The following METTL25 variants were observed in gnomAD, a reference collection of about 807,000 sequenced individuals.
The protein encoded by METTL25 is methyltransferase like 25.
A neutral mutation model predicts 71.6 loss-of-function variants in METTL25; 64 were observed. That is an observed-to-expected ratio of 0.89 (90% CI 0.73 to 1.10). The LOEUF is 1.10. Among genes scored for constraint, METTL25 ranks in the 50% least tolerant of loss-of-function variants. The pLI is 0.00. For synonymous variants in METTL25, 287 were observed against 250.3 expected (o/e 1.15, Z -1.38); for missense variants, 807 against 707.0 (o/e 1.14, Z -1.60).
chr12:82,407,985 T>C, intron 5 of METTL25: 6 of 984,462 alleles, frequency 6.1e-6, no homozygotes, highest in Non-Finnish European at 7.2e-6. Flanking sequence ...TATAACAGTA[T>C]TTCTCAATTC....
chr12:82,420,976 C>G (rs967904400), intron 5 of METTL25, among the ~76,000 whole-genome samples: 4 of 152,102 alleles, frequency 2.6e-5, no homozygotes, highest in Admixed American at 2.0e-4. Flanking sequence ...ATTCTCCTGC[C>G]TCAGCCTCCG....
At chr12:82,366,459 T>C (rs2136823102) in intron 1 of METTL25, among the ~76,000 whole-genome samples, 1 of 152,360 alleles carries the variant, frequency 6.6e-6, no homozygotes, top group African/African-American at 2.4e-5. Context: ...AGTAAATGTT[T>C]ATAGAATCAG....
intron 5 of METTL25, among the ~76,000 whole-genome samples, chr12:82,428,609 G>A (rs1315088787): frequency 6.6e-6 from 1 of 151,842 alleles, no homozygotes; most frequent in Non-Finnish European, 1.5e-5. Context: ...AGGGCTCTAT[G>A]AGTCCTATGC....
At position 82,411,206 on chromosome 12, in the gene METTL25, G is replaced by A. The variant is rs564163448; in HGVS notation, c.1279+8076G>A. On this transcript the variant is annotated intron_variant, in intron 5 of 11. Coordinates refer to ENST00000248306, the MANE Select transcript of METTL25 (RefSeq NM_032230.3). The stretch of plus-strand genomic sequence containing the variant: ...TATTTGTGTACCATGGCAAACTTGA[G>A]CTTTAATAATTTCATAATTAGAAAC... Among the ~76,000 whole-genome samples, 19 of 152,060 alleles carry A rather than the reference G, an allele frequency of 1.2e-4. No homozygotes were observed. In the East Asian group the frequency reaches 3.1e-3, roughly 25 times the overall value.
chr12:82,477,950 G>A (rs1174845312), intron 11 of METTL25, among the ~76,000 whole-genome samples: 2 of 151,630 alleles, frequency 1.3e-5, no homozygotes, highest in Non-Finnish European at 3.0e-5. Context: ...GAATGTTTCC[G>A]CTATAAACTC....
At chr12:82,392,263 A>G (rs1270896758) in intron 3 of METTL25, among the ~76,000 whole-genome samples, 2 of 75,130 alleles carry the variant, frequency 2.7e-5, no homozygotes, top group East Asian at 8.4e-4. Flanking sequence ...CCCTCCCCGC[A>G]ACCCACAACA....
At chr12:82,367,205 A>G (rs1882666189) in intron 1 of METTL25, among the ~76,000 whole-genome samples, 1 of 152,064 alleles carries the variant, frequency 6.6e-6, no homozygotes, top group Admixed American at 6.6e-5. Context: ...TTCTACTTAT[A>G]TTATACTGTT....
chr12:82,393,751 T>A (rs1348794491), intron 3 of METTL25, among the ~76,000 whole-genome samples: 2 of 152,094 alleles, frequency 1.3e-5, no homozygotes, highest in African/African-American at 2.4e-5. Context: ...ATGCTAGATG[T>A]GGGTTTCTTT....
intron 5 of METTL25, among the ~76,000 whole-genome samples, chr12:82,420,951 T>G (rs1888427615): frequency 6.6e-6 from 1 of 152,010 alleles, no homozygotes; most frequent in South Asian, 2.1e-4. Context: ...CACCTCTGCC[T>G]CCTAGGTTCA....
intron 4 of METTL25, among the ~76,000 whole-genome samples, chr12:82,401,903 A>G (rs1438396740): frequency 6.6e-6 from 1 of 152,076 alleles, no homozygotes; most frequent in Non-Finnish European, 1.5e-5. Context: ...TCCAAATGGT[A>G]AAAGTATGTG....
intron 5 of METTL25, among the ~76,000 whole-genome samples, chr12:82,424,422 A>C (rs1380986541): frequency 1.3e-5 from 2 of 152,244 alleles, no homozygotes; most frequent in East Asian, 3.9e-4. Flanking sequence ...GCATTAGGAG[A>C]TATACCTAAT....
chr12:82,364,417 A>G (rs753610235), intron 1 of METTL25, among the ~76,000 whole-genome samples: 3 of 152,180 alleles, frequency 2.0e-5, no homozygotes, highest in African/African-American at 4.8e-5. Flanking sequence ...TTGTGTTTAC[A>G]TGACGTTCTT....
Position 82,399,148 on chromosome 12 carries a change from C to T in METTL25, c.885C>T (p.Thr295=), listed in dbSNP as rs1381091352. 6.2e-7 allele frequency: 1 copy of T among 1,613,662 alleles called. No individual in the cohort carries two copies. Among genetic ancestry groups the T allele is most frequent in the Non-Finnish European group, 8.5e-7 (1 of 1,179,832 alleles). The part of the protein sequence containing the change: ...VISNIRNQME[T]LHSQPHQEEN... Reference sequence around the variant, plus strand: ...CTAATATCAGAAACCAAATGGAAACCCTTCATTCTCAGCCACATCAAGAAG... The same window carrying T: ...CTAATATCAGAAACCAAATGGAAACTCTTCATTCTCAGCCACATCAAGAAG... Residue 295 remains threonine (T), a synonymous_variant, in exon 4 of 12, where the codon ACC becomes ACT. Transcript: ENST00000248306.
chr12:82,462,322 T>C (rs1891936163), intron 9 of METTL25, among the ~76,000 whole-genome samples: 1 of 152,192 alleles, frequency 6.6e-6, no homozygotes. Flanking sequence ...TATCTAGCTA[T>C]AATTTTGTAT....
At chr12:82,466,817 TA>T (rs1190591647) in intron 9 of METTL25, among the ~76,000 whole-genome samples, 1 of 152,180 alleles carries the variant, frequency 6.6e-6, no homozygotes, top group Non-Finnish European at 1.5e-5. Context: ...ATTCTTTTGC[TA>T]AAGTATTCCC....
At chr12:82,463,456 C>T (rs1275716501) in intron 9 of METTL25, among the ~76,000 whole-genome samples, 1 of 152,018 alleles carries the variant, frequency 6.6e-6, no homozygotes, top group Non-Finnish European at 1.5e-5. Flanking sequence ...TTTATACATA[C>T]CACATTTTCT....
In METTL25 at chr12:82,399,330, A is replaced by G. The variant is rs748716939; in HGVS notation, c.1067A>G (p.Tyr356Cys). 3 of 1,610,332 alleles carry G rather than the reference A, an allele frequency of 1.9e-6. No homozygotes were observed. The highest frequency in any genetic ancestry group is 2.5e-6 in the Non-Finnish European group (3 of 1,177,900). The change falls in exon 4 of 12, where the codon TAT becomes TGT. Residue 356 changes from tyrosine (Y) to cysteine (C), a missense_variant. Coordinates refer to ENST00000248306, the MANE Select transcript of METTL25 (RefSeq NM_032230.3). ...TCAAAGTCAAGTGAATCAAATATAT[A>G]TTCACCTTTAACCTCTTTTATCACT... ...MTSKSSESNI[Y>C]SPLTSFITAD... is the part of the protein sequence containing the mutation.
Position 82,477,349 on chromosome 12 carries a change from GC to G in METTL25, c.1717del (p.Gln573ArgfsTer10). Reference protein sequence around the residue: ...LLDRLCYLKEQEDIAWSALVK... With the variant: ...LLDRLCYLKEXEDIAWSALVK... ...TGGATCGACTTTGTTACCTGAAAGA[GC>G]AGGTAAATTATGTTATTTTAAAATA... is the stretch of plus-strand genomic sequence containing the variant. On this transcript the variant is annotated frameshift_variant and splice_region_variant, in exon 11 of 12. Coordinates refer to ENST00000248306, the MANE Select transcript of METTL25 (RefSeq NM_032230.3). LOFTEE classifies it high-confidence loss of function. 1 of 1,512,714 alleles carries G rather than the reference GC, an allele frequency of 6.6e-7. No individual in the cohort carries two copies. The highest frequency in any genetic ancestry group is 1.2e-5 in the South Asian group (1 of 80,892). 93.7% of individuals were successfully genotyped at this position (1,512,714 alleles called of 1,614,324 possible).
At chr12:82,420,571 T>C (rs1888387114) in intron 5 of METTL25, among the ~76,000 whole-genome samples, 1 of 152,094 alleles carries the variant, frequency 6.6e-6, no homozygotes. Flanking sequence ...ATATCAGGTG[T>C]GAATTGTTCA....
Sources: gnomAD v4.1 joint callset for allele counts (sites outside exome capture counted in the v4.1 genomes callset) on GRCh38, gnomAD v4.1.1 for gene constraint, MANE v1.5 for transcripts, NCBI Gene and HGNC (gene_info 2026-07-23, HGNC 2026-07-21) for gene names.